CACNA1E: variants seen among roughly 807,000 people sequenced by gnomAD.
The protein encoded by CACNA1E is calcium voltage-gated channel subunit alpha1 E, also known as voltage-dependent R-type calcium channel subunit alpha-1E.
In CACNA1E, 40 loss-of-function variants were observed where a neutral mutation model predicts 259.2. The observed-to-expected ratio is 0.15, with a 90% confidence interval of 0.12 to 0.20. The LOEUF is 0.20. Ranked by LOEUF, CACNA1E falls within the 10% of genes least tolerant of loss-of-function variation. The pLI, the probability that CACNA1E is intolerant of heterozygous loss-of-function variation, is 1.00. For synonymous variants in CACNA1E, 1,104 were observed against 1,138.5 expected, an observed-to-expected ratio of 0.97 and a Z score of 0.61; for missense variants, 1,874 against 3,040.1, an observed-to-expected ratio of 0.62 and a Z score of 9.02.
chr1:181,511,595 G>A (rs985702560), intron 3 of CACNA1E, 85 bp downstream of exon 3: 43 of 1,466,456 alleles, frequency 2.9e-5, no homozygotes, highest in African/African-American at 5.6e-5. Flanking sequence ...AACCTGGGGT[G>A]GAAAGACAGC....
chr1:181,349,448 G>A (rs1557933132), intron 1 of CACNA1E, among the ~76,000 whole-genome samples: 1 of 152,212 alleles, frequency 6.6e-6, no homozygotes, highest in Non-Finnish European at 1.5e-5. Context: ...TGTGTTCTAT[G>A]AAAACTCCCA....
intron 3 of CACNA1E, among the ~76,000 whole-genome samples, chr1:181,577,276 T>C (rs1217236418): frequency 6.6e-6 from 1 of 152,236 alleles, no homozygotes; most frequent in African/African-American, 2.4e-5. Context: ...ATCAGCATAA[T>C]TGATTTGTTT....
chr1:181,718,625 C>G (rs904902392), intron 12 of CACNA1E, among the ~76,000 whole-genome samples: 1 of 144,908 alleles, frequency 6.9e-6, no homozygotes, highest in East Asian at 2.0e-4. Context: ...CACACACACA[C>G]ACACACACAC....
intron 43 of CACNA1E, among the ~76,000 whole-genome samples, chr1:181,787,322 G>A (rs1660929871): frequency 6.6e-6 from 1 of 152,106 alleles, no homozygotes; most frequent in Non-Finnish European, 1.5e-5. Context: ...GTGTTAGCCA[G>A]GATGGTCTCG....
At chr1:181,545,696 C>A (rs1256852304) in intron 3 of CACNA1E, among the ~76,000 whole-genome samples, 1 of 152,204 alleles carries the variant, frequency 6.6e-6, no homozygotes, top group Non-Finnish European at 1.5e-5. Context: ...CCCTGATGGA[C>A]TTCTGTTCAG....
chr1:181,579,477 G>A (rs1006431566), intron 5 of CACNA1E, among the ~76,000 whole-genome samples: 4 of 152,248 alleles, frequency 2.6e-5, no homozygotes, highest in Admixed American at 6.5e-5. Flanking sequence ...CCTATCCCAT[G>A]GTCAAGGGCC....
intron 2 of CACNA1E, among the ~76,000 whole-genome samples, chr1:181,476,124 G>T (rs2102430532): frequency 6.6e-6 from 1 of 152,230 alleles, no homozygotes; most frequent in African/African-American, 2.4e-5. Flanking sequence ...CTGCAGAGTG[G>T]TCAAGTAGGA....
chr1:181,390,214 C>T (rs760316262), intron 1 of CACNA1E, among the ~76,000 whole-genome samples: 2 of 152,172 alleles, frequency 1.3e-5, no homozygotes, highest in African/African-American at 2.4e-5. Flanking sequence ...TCAGCGATGG[C>T]GCCAGGGTTC....
At chr1:181,338,951 T>G (rs558370973) in intron 1 of CACNA1E, among the ~76,000 whole-genome samples, 4 of 152,310 alleles carry the variant, frequency 2.6e-5, no homozygotes, top group South Asian at 4.1e-4. Context: ...CTTGGTGGCC[T>G]TGTCAAAAAT....
chr1:181,335,472 G>A (rs1412309922), intron 1 of CACNA1E, among the ~76,000 whole-genome samples: 1 of 152,200 alleles, frequency 6.6e-6, no homozygotes, highest in Non-Finnish European at 1.5e-5. Flanking sequence ...GACTCCTCTG[G>A]TTGCTGGCCT....
At chr1:181,414,673 C>T (rs1557984876) in intron 2 of CACNA1E, among the ~76,000 whole-genome samples, 1 of 152,216 alleles carries the variant, frequency 6.6e-6, no homozygotes, top group Non-Finnish European at 1.5e-5. Flanking sequence ...TATATCCACT[C>T]ATGTTAATCT....
intron 5 of CACNA1E, among the ~76,000 whole-genome samples, chr1:181,579,658 A>T: frequency 6.6e-6 from 1 of 152,208 alleles, no homozygotes; most frequent in African/African-American, 2.4e-5. Context: ...TACAGAAAAA[A>T]AAAGTGCAAC....
intron 7 of CACNA1E, among the ~76,000 whole-genome samples, chr1:181,673,197 T>A (rs1035037093): frequency 1.4e-5 from 2 of 138,496 alleles, no homozygotes; most frequent in African/African-American, 2.6e-5. Context: ...TGTATCTGTA[T>A]GTTTATGTAT....
chr1:181,395,371 T>G (rs1656598342), intron 1 of CACNA1E, among the ~76,000 whole-genome samples: 1 of 152,112 alleles, frequency 6.6e-6, no homozygotes, highest in Admixed American at 6.5e-5. Context: ...TTGGGCATGT[T>G]GAATTTGAGT....
chr1:181,597,193 C>T (rs1261117614), intron 6 of CACNA1E, among the ~76,000 whole-genome samples: 1 of 152,174 alleles, frequency 6.6e-6, no homozygotes, highest in Non-Finnish European at 1.5e-5. Context: ...GAGACCCACC[C>T]TGGCACTCAG....
At chr1:181,743,257 G>A (rs1031310240) in intron 25 of CACNA1E, among the ~76,000 whole-genome samples, 1 of 152,228 alleles carries the variant, frequency 6.6e-6, no homozygotes, top group Non-Finnish European at 1.5e-5. Flanking sequence ...CTCAAGAAAA[G>A]TCTGGTGAGT....
intron 8 of CACNA1E, among the ~76,000 whole-genome samples, chr1:181,712,340 G>A (rs1264455890): frequency 2.0e-5 from 3 of 152,198 alleles, no homozygotes; most frequent in Non-Finnish European, 4.4e-5. Context: ...ACGTATGACA[G>A]TATCTTTTCT....
At chr1:181,372,353 G>A (rs1654764582) in intron 1 of CACNA1E, among the ~76,000 whole-genome samples, 1 of 152,066 alleles carries the variant, frequency 6.6e-6, no homozygotes, top group Non-Finnish European at 1.5e-5. Flanking sequence ...TGTTCTTTTT[G>A]TGGCTATTGT....
At chr1:181,336,016 C>A (rs1379582148) in intron 1 of CACNA1E, among the ~76,000 whole-genome samples, 1 of 152,184 alleles carries the variant, frequency 6.6e-6, no homozygotes, top group Admixed American at 6.5e-5. Context: ...TCAGGATAGT[C>A]CCTTCTATTT....
Sources: allele counts gnomAD v4.1 joint callset (sites outside exome capture counted in the v4.1 genomes callset), GRCh38; gene constraint gnomAD v4.1.1; transcripts MANE v1.5; gene names NCBI Gene and HGNC (gene_info 2026-07-23, HGNC 2026-07-21).